The following NSD2 variants were observed in gnomAD, a reference collection of about 807,000 sequenced individuals.
NSD2 encodes the protein nuclear receptor binding SET domain protein 2.
Under a neutral mutation model 139.0 loss-of-function variants are expected in NSD2, and 12 were observed. That is an observed-to-expected ratio of 0.09 (90% confidence interval 0.06 to 0.14). The LOEUF (loss-of-function observed/expected upper bound fraction) is 0.14. NSD2 is among the 10% of genes least tolerant of loss of function. The pLI, the probability that NSD2 is intolerant of heterozygous loss-of-function variation, is 1.00. For missense variants in NSD2, 1,155 were observed against 1,745.0 expected (o/e 0.66, Z 6.02); for synonymous variants, 669 against 648.7 (o/e 1.03, Z -0.48).
intron 2 of NSD2, among the ~76,000 whole-genome samples, chr4:1,902,299 A>G (rs1717293436): frequency 6.6e-6 from 1 of 152,130 alleles, no homozygotes; most frequent in Non-Finnish European, 1.5e-5. Flanking sequence ...ATCATGGCTC[A>G]CAACAGCCTT....
chr4:1,882,049 A>G (rs906752610), intron 1 of NSD2, among the ~76,000 whole-genome samples: 3 of 152,212 alleles, frequency 2.0e-5, no homozygotes, highest in African/African-American at 7.2e-5. Context: ...TGTGACATGA[A>G]TCTATTTGCT....
intron 5 of NSD2, among the ~76,000 whole-genome samples, chr4:1,926,851 T>C (rs1039146848): frequency 6.6e-6 from 1 of 152,250 alleles, no homozygotes; most frequent in Non-Finnish European, 1.5e-5. Context: ...CAGTGCTTTA[T>C]GTCAGTTCTT....
intron 2 of NSD2, among the ~76,000 whole-genome samples, chr4:1,903,755 G>C (rs1484379894): frequency 2.2e-5 from 3 of 137,812 alleles, no homozygotes; most frequent in Non-Finnish European, 4.6e-5. Flanking sequence ...TTTTTTTTGA[G>C]ATGGAGTCTC....
intron 1 of NSD2, among the ~76,000 whole-genome samples, chr4:1,895,335 A>C (rs2108722823): frequency 6.6e-6 from 1 of 152,300 alleles, no homozygotes; most frequent in Admixed American, 6.5e-5. Flanking sequence ...AACACCTAAA[A>C]TCAGTGTCTT....
chr4:1,938,372 T>G (rs1309540767), intron 7 of NSD2, 79 bp from the exon 8 acceptor site: 4 of 1,222,742 alleles, frequency 3.3e-6, no homozygotes, highest in Non-Finnish European at 3.3e-6. Context: ...TTTGTTGTTC[T>G]TTTTCTTTTT....
chr4:1,932,258 G>A (rs1214125312), intron 6 of NSD2, among the ~76,000 whole-genome samples: 10 of 151,926 alleles, frequency 6.6e-5, no homozygotes, highest in Non-Finnish European at 1.0e-4. Flanking sequence ...CCAACATGGT[G>A]AAACCCCATC....
chr4:1,935,491 T>G (rs1158869635), intron 7 of NSD2, among the ~76,000 whole-genome samples: 1 of 152,246 alleles, frequency 6.6e-6, no homozygotes, highest in African/African-American at 2.4e-5. Context: ...GATGGTGTGT[T>G]GCTCTGCAAG....
At chr4:1,953,184 C>T (rs749800545) in intron 11 of NSD2, 140 bp from the exon 12 acceptor site, 1 of 1,560,534 alleles carries the variant, frequency 6.4e-7, no homozygotes, top group African/African-American at 1.4e-5. Context: ...GACTAGTGAG[C>T]AAGGTTGGAA....
intron 18 of NSD2, among the ~76,000 whole-genome samples, chr4:1,962,205 C>T (rs1725439049): frequency 1.3e-5 from 2 of 152,180 alleles, no homozygotes; most frequent in Non-Finnish European, 1.5e-5. Context: ...GCACTGGGCT[C>T]TGTGTCAATC....
intron 5 of NSD2, 96 bp from the exon 6 acceptor site, chr4:1,930,530 A>T (rs1358809162): frequency 7.7e-7 from 1 of 1,304,852 alleles, no homozygotes; most frequent in Non-Finnish European, 1.0e-6. Context: ...GCGACACACT[A>T]AGTTCTAAAG....
chr4:1,942,655 G>GT lies in NSD2; in HGVS notation c.1881+2879dup, dbSNP rs1021659690. 8.5e-7 allele frequency: 1 copy of GT among 1,175,110 alleles called. No homozygotes were observed. The highest frequency in any genetic ancestry group is 1.6e-5 in the African/African-American group (1 of 63,530). 72.8% of individuals were successfully genotyped at this position (1,175,110 alleles called of 1,614,324 possible). A position where few individuals can be genotyped will look rare whatever the true frequency, so the allele number is the denominator to read the frequency against. On this transcript the variant is annotated intron_variant, in intron 9 of 21. Transcript: ENST00000508803. The surrounding 1 kb of genome is among the most constrained non-coding windows in gnomAD (Gnocchi z 4.0). ...TTCCAGTGGTCAATGTAGATTTCAA[G>GT]TTGAAAGGCAGTCCCTTTAGTTGGG... is the stretch of plus-strand genomic sequence containing the variant.
Position 1,955,417 on chromosome 4 carries a change from T to C in NSD2, c.2518+77T>C, listed in dbSNP as rs148355229. The C allele has an allele frequency of 6.7e-7, 1 of 1,495,612 alleles. No homozygotes were observed. The highest frequency in any genetic ancestry group is 2.4e-5 in the East Asian group (1 of 41,372). 92.6% of individuals were successfully genotyped at this position (1,495,612 alleles called of 1,614,324 possible). A position where few individuals can be genotyped will look rare whatever the true frequency, so the allele number is the denominator to read the frequency against. ...CACATATCAAGGCAGGCTCATTCCT[T>C]GTCTGCGCTGTGTTCATTGATGTTG... On this transcript the variant is annotated intron_variant, in intron 13 of 21. Coordinates refer to ENST00000508803, the MANE Select transcript of NSD2 (RefSeq NM_001042424.3). The surrounding 1 kb of genome is among the most constrained non-coding windows in gnomAD (Gnocchi z 4.7).
At chr4:1,945,280 A>G (rs1723503043) in intron 9 of NSD2, 1 of 1,066,054 alleles carries the variant, frequency 9.4e-7, no homozygotes, top group African/African-American at 1.6e-5. Context: ...GGAGACGTTA[A>G]GAGCTGAGCA....
At position 1,972,738 on chromosome 4, in the gene NSD2, C is replaced by T. The variant is rs551568835; in HGVS notation, c.3373-2125C>T. Among the ~76,000 whole-genome samples, 2 of 152,342 alleles carry T rather than the reference C, an allele frequency of 1.3e-5. No homozygotes were observed. Among genetic ancestry groups the T allele is most frequent in the East Asian group, 1.9e-4 (1 of 5,194 alleles). On this transcript the variant is annotated intron_variant, in intron 18 of 21. Coordinates refer to ENST00000508803, the MANE Select transcript of NSD2 (RefSeq NM_001042424.3). The surrounding 1 kb of genome is among the most constrained non-coding windows in gnomAD (Gnocchi z 4.0). Reference sequence around the variant, plus strand: ...ATGCAACTACTCAGCAAACCGAAAACGCATGAAGCAAAAGGGTAAAATAGT... The same window carrying T: ...ATGCAACTACTCAGCAAACCGAAAATGCATGAAGCAAAAGGGTAAAATAGT...
chr4:1,922,982 C>G (rs1435377343), intron 5 of NSD2, among the ~76,000 whole-genome samples: 1 of 151,852 alleles, frequency 6.6e-6, no homozygotes, highest in African/African-American at 2.4e-5. Flanking sequence ...AAGACGGGGC[C>G]CAGAACAGGC....
rs371607137 is a variant in NSD2 at position 1,878,055 on chromosome 4, T to A, written c.-30+6513T>A. Among the ~76,000 whole-genome samples the A allele has an allele frequency of 1.1e-4, 17 of 150,924 alleles. No individual in the cohort carries two copies. The East Asian group carries it at 2.9e-3, about 26-fold the overall frequency. The stretch of plus-strand genomic sequence containing the variant: ...AGAAAAATAAAATTTAAAAAAAGTA[T>A]TATATATATACACACACACTTCTGA... On this transcript the variant is annotated intron_variant, in intron 1 of 21. Transcript: ENST00000508803.
intron 2 of NSD2, among the ~76,000 whole-genome samples, chr4:1,902,822 G>A (rs1376620793): frequency 1.3e-5 from 2 of 152,118 alleles, no homozygotes; most frequent in East Asian, 3.9e-4. Flanking sequence ...TCTTCCTCTG[G>A]AGAGTGGGGT....
Position 1,939,715 on chromosome 4 carries a change from A to G in NSD2, c.1818A>G (p.Ala606=), listed in dbSNP as rs2108897180. ...PLKKRNRAST[A]ASSALGFSKS... is the part of the protein sequence containing the mutation. ...AGAAGCGAAATCGGGCTTCCACGGC[A>G]GCATCTTCAGCTCTTGGGTTTAGCA... is the stretch of plus-strand genomic sequence containing the variant. Residue 606 remains alanine, a synonymous_variant, in exon 9 of 22, where the codon GCA becomes GCG. Transcript: ENST00000508803. The G allele has an allele frequency of 6.2e-7, 1 of 1,614,270 alleles. No individual in the cohort carries two copies. Among genetic ancestry groups the G allele is most frequent in the Non-Finnish European group, 8.5e-7 (1 of 1,180,048 alleles).
Position 1,979,205 on chromosome 4 carries a change from AT to A in NSD2, c.*303del. On this transcript the variant is annotated 3_prime_UTR_variant, in exon 22 of 22. Transcript: ENST00000508803. ...GAATGTCAAGGTTCCCTCCCACTCTATTTTTTTAGGTTAAAGTTAATTGGCA... is the reference window on the plus strand; with the variant it reads ...GAATGTCAAGGTTCCCTCCCACTCTATTTTTTAGGTTAAAGTTAATTGGCA... 1 of 349,166 alleles carries A rather than the reference AT, an allele frequency of 2.9e-6. No individual in the cohort carries two copies. Among genetic ancestry groups the A allele is most frequent in the Non-Finnish European group, 5.1e-6 (1 of 194,820 alleles). The allele number at this position is 349,166 out of a possible 1,614,324, so 21.6% of individuals were successfully genotyped here. A position where few individuals can be genotyped will look rare whatever the true frequency, so the allele number is the denominator to read the frequency against.
Sources: allele counts gnomAD v4.1 joint callset (sites outside exome capture counted in the v4.1 genomes callset), GRCh38; gene constraint gnomAD v4.1.1; non-coding constraint Gnocchi (gnomAD v3.1); transcripts MANE v1.5; gene names NCBI Gene and HGNC (gene_info 2026-07-23, HGNC 2026-07-21).